Variants in PDHX observed in about 807,000 individuals in gnomAD.
PDHX encodes the protein pyruvate dehydrogenase complex component X, also known as pyruvate dehydrogenase protein X component, mitochondrial.
PDHX carries 33 observed loss-of-function variants against 55.3 expected under a neutral mutation model. That is an observed-to-expected ratio of 0.60 (90% CI 0.45 to 0.80). PDHX has a LOEUF of 0.80. Ranked by LOEUF, PDHX falls within the 30% of genes least tolerant of loss-of-function variation. PDHX has a pLI of 0.00. For synonymous variants in PDHX, 226 were observed against 219.4 expected, an observed-to-expected ratio of 1.03 and a Z score of -0.27; for missense variants, 622 against 619.9, an observed-to-expected ratio of 1.00 and a Z score of -0.04.
At chr11:34,930,627 A>G (rs949991461) in intron 1 of PDHX, among the ~76,000 whole-genome samples, 1 of 152,220 alleles carries the variant, frequency 6.6e-6, no homozygotes, top group Non-Finnish European at 1.5e-5. Context: ...TCTAAAAGCC[A>G]TGGTGCTCTT....
At chr11:34,921,069 A>C (rs2133937004) in intron 1 of PDHX, among the ~76,000 whole-genome samples, 1 of 152,330 alleles carries the variant, frequency 6.6e-6, no homozygotes, top group East Asian at 1.9e-4. Flanking sequence ...GTGCTTATAC[A>C]CTGATAAGAT....
chr11:34,929,883 CAGAT>C (rs1854113531), intron 1 of PDHX, among the ~76,000 whole-genome samples: 1 of 152,166 alleles, frequency 6.6e-6, no homozygotes, highest in Non-Finnish European at 1.5e-5. Context: ...AAGGGTAAGA[CAGAT>C]AGAGATCAAA....
chr11:34,949,201 T>A (rs1854693782), intron 3 of PDHX, among the ~76,000 whole-genome samples: 1 of 152,218 alleles, frequency 6.6e-6, no homozygotes, highest in Non-Finnish European at 1.5e-5. Flanking sequence ...TGTTGCAATT[T>A]TATCAGGGAC....
At chr11:34,992,494 A>T in intron 10 of PDHX, 115 bp downstream of exon 10, 1 of 656,150 alleles carries the variant, frequency 1.5e-6, no homozygotes, top group Non-Finnish European at 2.7e-6. Flanking sequence ...AGCTAAAAAT[A>T]CTTTATTTAG....
At chr11:34,977,284 A>G (rs1253987516) in intron 7 of PDHX, among the ~76,000 whole-genome samples, 2 of 152,178 alleles carry the variant, frequency 1.3e-5, no homozygotes, top group African/African-American at 4.8e-5. Context: ...AAGCTCTTGC[A>G]AGAAAGAATC....
At chr11:34,974,405 G>A (rs1590761901) in intron 7 of PDHX, among the ~76,000 whole-genome samples, 1 of 152,112 alleles carries the variant, frequency 6.6e-6, no homozygotes. Flanking sequence ...GTTAATTCAT[G>A]TGTTAATGGA....
chr11:34,944,912 G>A (rs3852517), intron 2 of PDHX, among the ~76,000 whole-genome samples: 32,595 of 151,990 alleles, frequency 0.21, 4,646 homozygotes, highest in Non-Finnish European at 0.33. Flanking sequence ...ACGGATACAT[G>A]GGGACTTATT....
intron 4 of PDHX, among the ~76,000 whole-genome samples, chr11:34,959,318 T>C (rs557888827): frequency 6.6e-6 from 1 of 152,084 alleles, no homozygotes; most frequent in Non-Finnish European, 1.5e-5. Flanking sequence ...ATGAAAAATA[T>C]GTTCACCGTC....
At chr11:34,961,063 A>G (rs761268869) in intron 5 of PDHX, among the ~76,000 whole-genome samples, 1 of 152,190 alleles carries the variant, frequency 6.6e-6, no homozygotes, top group Non-Finnish European at 1.5e-5. Context: ...AAAATCTGAT[A>G]ACAATAGCTT....
chr11:34,992,658 T>C (rs553734615), intron 10 of PDHX, among the ~76,000 whole-genome samples: 2 of 152,254 alleles, frequency 1.3e-5, no homozygotes, highest in Admixed American at 6.5e-5. Context: ...CCACCCCCAA[T>C]ATTAATGTCT....
chr11:34,985,814 G>C (rs775797903), intron 9 of PDHX, among the ~76,000 whole-genome samples: 1 of 152,152 alleles, frequency 6.6e-6, no homozygotes, highest in Non-Finnish European at 1.5e-5. Context: ...TAAATGTGTA[G>C]ACCTTCTTGC....
rs1030620439 is a variant in PDHX, at chr11:34,970,206, A to G, written c.884A>G (p.Lys295Arg). 1 of 1,612,746 alleles carries G rather than the reference A, an allele frequency of 6.2e-7. No homozygotes were observed. Among genetic ancestry groups the G allele is most frequent in the Non-Finnish European group, 8.5e-7 (1 of 1,178,854 alleles). Reference protein sequence around the residue: ...RVIAKRLTESKSTVPHAYATA... With the variant: ...RVIAKRLTESRSTVPHAYATA... ...ATTGCCAAGAGATTAACTGAATCTA[A>G]AAGTACTGTACCTCATGCATATGCT... is the stretch of plus-strand genomic sequence containing the variant. The change falls in exon 7 of 11, where the codon AAA becomes AGA. Residue 295 changes from lysine to arginine, a missense_variant. Coordinates refer to ENST00000227868, the MANE Select transcript of PDHX (RefSeq NM_003477.3).
At chr11:34,933,136 T>C (rs1268287941) in intron 2 of PDHX, among the ~76,000 whole-genome samples, 1 of 152,208 alleles carries the variant, frequency 6.6e-6, no homozygotes, top group Non-Finnish European at 1.5e-5. Flanking sequence ...GAATATATCT[T>C]GTTTTGTCTC....
intron 6 of PDHX, among the ~76,000 whole-genome samples, chr11:34,968,052 C>T (rs1366141751): frequency 6.6e-6 from 1 of 152,024 alleles, no homozygotes; most frequent in Non-Finnish European, 1.5e-5. Flanking sequence ...GGAGGATTGC[C>T]TGCACCTAGG....
upstream of PDHX, chr11:34,916,482 G>A (rs1200951421): frequency 6.9e-7 from 1 of 1,458,564 alleles, no homozygotes; most frequent in South Asian, 1.4e-5. Context: ...CTGACTTCCC[G>A]GGAGGCAAGG....
At chr11:34,965,685 G>A (rs1442494178) in intron 5 of PDHX, among the ~76,000 whole-genome samples, 1 of 152,092 alleles carries the variant, frequency 6.6e-6, no homozygotes, top group Non-Finnish European at 1.5e-5. Flanking sequence ...CTACCATGTT[G>A]CCATAAGTAA....
At chr11:34,925,066 T>G (rs1472621233) in intron 1 of PDHX, among the ~76,000 whole-genome samples, 7 of 152,250 alleles carry the variant, frequency 4.6e-5, no homozygotes, top group Non-Finnish European at 1.5e-5. Context: ...CAGTTATTGC[T>G]GCCCTTTAAA....
intron 5 of PDHX, among the ~76,000 whole-genome samples, chr11:34,962,162 A>C (rs1855032196): frequency 6.6e-6 from 1 of 152,230 alleles, no homozygotes; most frequent in Non-Finnish European, 1.5e-5. Context: ...GCTGCACCTT[A>C]GGGGGATCAG....
chr11:34,944,593 C>G (rs1191010477), intron 2 of PDHX, among the ~76,000 whole-genome samples: 1 of 152,120 alleles, frequency 6.6e-6, no homozygotes, highest in African/African-American at 2.4e-5. Flanking sequence ...TCAATTTGAT[C>G]ATCTTGGTAC....
Sources: allele counts gnomAD v4.1 joint callset (sites outside exome capture counted in the v4.1 genomes callset), GRCh38; gene constraint gnomAD v4.1.1; transcripts MANE v1.5; gene names NCBI Gene and HGNC (gene_info 2026-07-23, HGNC 2026-07-21).